The following TMEM201 variants were observed in gnomAD, a reference collection of about 807,000 sequenced individuals.
TMEM201 encodes transmembrane protein 201, also known as RP13-15M17.2.
Under a neutral mutation model 63.4 loss-of-function variants are expected in TMEM201, and 26 were observed. The observed-to-expected ratio is 0.41, with a 90% CI of 0.30 to 0.57. TMEM201 has a LOEUF of 0.57. TMEM201 is among the 20% of genes least tolerant of loss of function. The pLI is 0.29. For synonymous variants in TMEM201, 417 were observed against 421.6 expected, an observed-to-expected ratio of 0.99 and a Z score of 0.14; for missense variants, 794 against 917.7, an observed-to-expected ratio of 0.87 and a Z score of 1.74.
intron 6 of TMEM201, chr1:9,606,453 A>G (rs1222967448): frequency 6.6e-6 from 1 of 152,204 alleles, no homozygotes; most frequent in African/African-American, 2.4e-5. Context: ...CACTTTCCTT[A>G]TAAAACTTTT....
intron 9 of TMEM201, among the ~76,000 whole-genome samples, chr1:9,611,500 G>A (rs1482988301): frequency 3.3e-5 from 5 of 152,148 alleles, no homozygotes; most frequent in Admixed American, 6.5e-5. Context: ...GCCCGGCCTC[G>A]AATGTTTAGA....
intron 4 of TMEM201, among the ~76,000 whole-genome samples, chr1:9,600,845 AG>A (rs968185261): frequency 2.6e-5 from 4 of 152,172 alleles, no homozygotes; most frequent in African/African-American, 9.7e-5. Flanking sequence ...GCTTAAACCC[AG>A]GAGGAAGAGG....
chr1:9,590,024 A>G (rs866220495), intron 1 of TMEM201, among the ~76,000 whole-genome samples: 2 of 152,140 alleles, frequency 1.3e-5, no homozygotes, highest in Non-Finnish European at 2.9e-5. Flanking sequence ...TCTCTCCTCC[A>G]GGGGGGAAAC....
In TMEM201 at chr1:9,608,461, G is replaced by A. The variant is rs1276758836; in HGVS notation, c.1393+672G>A. Among the ~76,000 whole-genome samples the A allele has an allele frequency of 6.6e-6, 1 of 152,174 alleles. No individual in the cohort carries two copies. The highest frequency in any genetic ancestry group is 1.5e-5 in the Non-Finnish European group (1 of 68,022). The stretch of plus-strand genomic sequence containing the variant: ...ACAGCCAAGGCCCCTCTCCTCTCGT[G>A]CAGTTACAGGGCAGGCCATTTTGTA... On this transcript the variant is annotated intron_variant, in intron 7 of 10. Coordinates refer to ENST00000340381, the MANE Select transcript of TMEM201 (RefSeq NM_001130924.3). The surrounding 1 kb of genome is among the most constrained non-coding windows in gnomAD (Gnocchi z 4.3).
At chr1:9,601,501 G>A (rs768836200) in intron 5 of TMEM201, 47 bp downstream of exon 5, 3 of 1,528,692 alleles carry the variant, frequency 2.0e-6, no homozygotes, top group African/African-American at 1.4e-5. Context: ...GGGACTGTGT[G>A]CTGGATTACT....
At position 9,610,878 on chromosome 1, in the gene TMEM201, G is replaced by A. The variant is rs562071724; in HGVS notation, c.1765+73G>A. ...CCAAGAGGCCTGGCTGTGCGGCGGT[G>A]GGGGGGCTCATCCTTGCTCTGACTC... On this transcript the variant is annotated intron_variant, in intron 9 of 10. Transcript: ENST00000340381. This position sits in a 1 kb window ranked among gnomAD's most constrained non-coding sequence, Gnocchi z 4.9. 16 of 1,489,506 alleles carry A rather than the reference G, an allele frequency of 1.1e-5. No homozygotes were observed. The highest frequency in any genetic ancestry group is 2.1e-5 in the Admixed American group (1 of 48,062). The allele number at this position is 1,489,506 out of a possible 1,614,324, so 92.3% of individuals were successfully genotyped here. A position where few individuals can be genotyped will look rare whatever the true frequency, so the allele number is the denominator to read the frequency against.
At chr1:9,598,989 T>A (rs1189578136) in intron 4 of TMEM201, among the ~76,000 whole-genome samples, 1 of 151,654 alleles carries the variant, frequency 6.6e-6, no homozygotes, top group Non-Finnish European at 1.5e-5. Context: ...TCACCCAGGC[T>A]GGAGTGCAGT....
chr1:9,594,197 A>G (rs1643971679), intron 1 of TMEM201, among the ~76,000 whole-genome samples: 1 of 152,224 alleles, frequency 6.6e-6, no homozygotes, highest in Non-Finnish European at 1.5e-5. Flanking sequence ...CTCCAAGGCC[A>G]TGCCTGTTGC....
chr1:9,601,475 A>G, intron 5 of TMEM201, 21 bp downstream of exon 5: 1 of 1,561,690 alleles, frequency 6.4e-7, no homozygotes. Context: ...GGCCAGGGCC[A>G]GGAGTTGGCG....
intron 1 of TMEM201, among the ~76,000 whole-genome samples, chr1:9,594,791 G>A (rs988199267): frequency 6.6e-6 from 1 of 152,242 alleles, no homozygotes; most frequent in African/African-American, 2.4e-5. Flanking sequence ...GCAGAAGCCG[G>A]GGGTGCTGTG....
rs200511730 is a variant in TMEM201, at chr1:9,602,074, G to A, written c.962G>A (p.Arg321Gln). ...AMLLAGRIRL[R>Q]RIDAFCTCLW... The stretch of plus-strand genomic sequence containing the variant: ...CCCCGCTGCTTCCCTTTCAGGCTCC[G>A]GAGGATCGATGCCTTCTGCACCTGC... The change falls in exon 6 of 11, where the codon CGG (arginine) becomes CAG (glutamine). Residue 321 changes from arginine (R) to glutamine (Q), a missense_variant. Arg to Gln is a conservative substitution (Grantham distance 43, BLOSUM62 1). Coordinates refer to ENST00000340381, the MANE Select transcript of TMEM201 (RefSeq NM_001130924.3). 2.8e-5 allele frequency: 45 copies of A among 1,611,216 alleles called. No homozygotes were observed. Among genetic ancestry groups the A allele is most frequent in the African/African-American group, 1.3e-4 (10 of 75,010 alleles).
chr1:9,590,187 CCAAGT>C (rs1049525511), intron 1 of TMEM201, among the ~76,000 whole-genome samples: 1 of 152,090 alleles, frequency 6.6e-6, no homozygotes, highest in African/African-American at 2.4e-5. Context: ...CCCTGACAAC[CCAAGT>C]CTCTCCATGT....
rs1217851357 is a variant in TMEM201, at chr1:9,601,296, T to C, written c.798T>C (p.Pro266=). The C allele has an allele frequency of 1.2e-6, 2 of 1,610,278 alleles. No individual in the cohort carries two copies. The highest frequency in any genetic ancestry group is 1.7e-6 in the Non-Finnish European group (2 of 1,179,826). The part of the protein sequence containing the change: ...GSATPDNGTT[P]GAEGWRQLLG... Reference sequence around the variant, plus strand: ...CCACACCTGACAATGGCACCACCCCTGGGGCCGAGGGCTGGCGGCAGTTGC... The same window carrying C: ...CCACACCTGACAATGGCACCACCCCCGGGGCCGAGGGCTGGCGGCAGTTGC... Residue 266 remains proline, a synonymous_variant, in exon 5 of 11, where the codon CCT becomes CCC. Coordinates refer to ENST00000340381, the MANE Select transcript of TMEM201 (RefSeq NM_001130924.3).
intron 7 of TMEM201, among the ~76,000 whole-genome samples, chr1:9,609,571 C>T (rs1368844822): frequency 1.3e-5 from 2 of 152,246 alleles, no homozygotes; most frequent in East Asian, 1.9e-4. Flanking sequence ...ACCTCGTGAT[C>T]TGATCTGCCT....
At position 9,603,371 on chromosome 1, in the gene TMEM201, G is replaced by T; in HGVS notation, c.1160+1099G>T. On this transcript the variant is annotated intron_variant, in intron 6 of 10. Coordinates refer to ENST00000340381, the MANE Select transcript of TMEM201 (RefSeq NM_001130924.3). The surrounding 1 kb of genome is among the most constrained non-coding windows in gnomAD (Gnocchi z 4.5). ...TGGCTCATGAGGACACACTCTGGAA[G>T]TCGAGGGGCTGCCACGTGCAGAGGA... The T allele has an allele frequency of 1.0e-6, 1 of 985,548 alleles. No individual in the cohort carries two copies. The allele number at this position is 985,548 out of a possible 1,614,324, so 61.1% of individuals were successfully genotyped here. A position where few individuals can be genotyped will look rare whatever the true frequency, so the allele number is the denominator to read the frequency against.
At chr1:9,592,502 A>G (rs546392436) in intron 1 of TMEM201, among the ~76,000 whole-genome samples, 1 of 152,256 alleles carries the variant, frequency 6.6e-6, no homozygotes, top group South Asian at 2.1e-4. Context: ...AGCCCCATCC[A>G]GTGCCCCCTC....
Position 9,603,320 on chromosome 1 carries a change from T to C in TMEM201, c.1160+1048T>C. 1.0e-6 allele frequency: 1 copy of C among 985,092 alleles called. No individual in the cohort carries two copies. Among genetic ancestry groups the C allele is most frequent in the Non-Finnish European group, 1.2e-6 (1 of 829,658 alleles). The allele number at this position is 985,092 out of a possible 1,614,324, so 61.0% of individuals were successfully genotyped here. A position where few individuals can be genotyped will look rare whatever the true frequency, so the allele number is the denominator to read the frequency against. ...CTCTCCATAGCCCTTGGGTGCCAGC[T>C]CAGTGGGTGTGGGGATCACATGAGG... On this transcript the variant is annotated intron_variant, in intron 6 of 10. Coordinates refer to ENST00000340381, the MANE Select transcript of TMEM201 (RefSeq NM_001130924.3). The surrounding 1 kb of genome is among the most constrained non-coding windows in gnomAD (Gnocchi z 4.5).
In TMEM201 at chr1:9,603,789, A is replaced by T. The variant is rs531362612; in HGVS notation, c.1160+1517A>T. 175 of 985,474 alleles carry T rather than the reference A, an allele frequency of 1.8e-4. 1 individual carries two copies. The African/African-American group carries it at 2.7e-3, about 15-fold the overall frequency. The allele number at this position is 985,474 out of a possible 1,614,324, so 61.0% of individuals were successfully genotyped here. ...CTTCACAAGTGAGGAACCCAGGTGC[A>T]TCGGGAGACCCTCGGGGGCTTCTGT... is the stretch of plus-strand genomic sequence containing the variant. On this transcript the variant is annotated intron_variant, in intron 6 of 10. Transcript: ENST00000340381. The surrounding 1 kb of genome is among the most constrained non-coding windows in gnomAD (Gnocchi z 4.5).
rs1367251647 is a variant in TMEM201 at position 9,603,354 on chromosome 1, G to A, written c.1160+1082G>A. On this transcript the variant is annotated intron_variant, in intron 6 of 10. Transcript: ENST00000340381. This position sits in a 1 kb window ranked among gnomAD's most constrained non-coding sequence, Gnocchi z 4.5. Reference sequence around the variant, plus strand: ...GTGGGGATCACATGAGGTGGCTCATGAGGACACACTCTGGAAGTCGAGGGG... The same window carrying A: ...GTGGGGATCACATGAGGTGGCTCATAAGGACACACTCTGGAAGTCGAGGGG... 1 of 985,378 alleles carries A rather than the reference G, an allele frequency of 1.0e-6. No individual in the cohort carries two copies. The highest frequency in any genetic ancestry group is 1.1e-4 in the East Asian group (1 of 8,820). The allele number at this position is 985,378 out of a possible 1,614,324, so 61.0% of individuals were successfully genotyped here.
Sources: gnomAD v4.1 joint callset for allele counts (sites outside exome capture counted in the v4.1 genomes callset) on GRCh38, gnomAD v4.1.1 for gene constraint, Gnocchi (gnomAD v3.1) non-coding constraint, MANE v1.5 for transcripts, NCBI Gene and HGNC (gene_info 2026-07-23, HGNC 2026-07-21) for gene names.